The following EYS variants were observed in gnomAD, a reference collection of about 807,000 sequenced individuals.
EYS encodes the protein EGF-like photoreceptor maintenance factor.
In EYS, 250 loss-of-function variants were observed where a neutral mutation model predicts 282.1. That is an observed-to-expected ratio of 0.89 (90% CI 0.80 to 0.98). EYS has a LOEUF of 0.98. Ranked by LOEUF, EYS falls within the 50% of genes least tolerant of loss-of-function variation. The pLI, the probability that EYS is intolerant of heterozygous loss-of-function variation, is 0.00. For synonymous variants in EYS, 1,355 were observed against 1,282.9 expected (o/e 1.06, Z -1.20); for missense variants, 4,016 against 3,709.0 (o/e 1.08, Z -2.15).
At chr6:65,546,328 T>A (rs532605953) in intron 2 of EYS, among the ~76,000 whole-genome samples, 1 of 152,004 alleles carries the variant, frequency 6.6e-6, no homozygotes, top group Non-Finnish European at 1.5e-5. Flanking sequence ...ATAATTTTTT[T>A]TTTTTTAATT....
intron 29 of EYS, among the ~76,000 whole-genome samples, chr6:64,380,851 C>T (rs1438533384): frequency 6.6e-6 from 1 of 151,838 alleles, no homozygotes; most frequent in African/African-American, 2.4e-5. Context: ...CCCGTCTCTA[C>T]TAAAAATACA....
chr6:63,800,654 A>G (rs1015159513), intron 37 of EYS, among the ~76,000 whole-genome samples: 2 of 151,974 alleles, frequency 1.3e-5, no homozygotes, highest in Admixed American at 1.3e-4. Context: ...ATACAAAAAA[A>G]CCTAGCTGGG....
chr6:64,914,782 A>G lies in EYS; in HGVS notation c.2382-2039T>C, dbSNP rs78757520. 5.5e-3 allele frequency among the ~76,000 whole-genome samples: 840 copies of G among 152,284 alleles called. 8 individuals are homozygous for G. Among genetic ancestry groups the G allele is most frequent in the South Asian group, 0.031 (152 of 4,830 alleles). Reference sequence around the variant, plus strand: ...ATAAGTTTAAATCCAATGCATTGTAAGCCAGTGGATTTCACAGCTGTCTAA... The same window carrying G: ...ATAAGTTTAAATCCAATGCATTGTAGGCCAGTGGATTTCACAGCTGTCTAA... On this transcript the variant is annotated intron_variant, in intron 15 of 42. Transcript: ENST00000503581.
intron 8 of EYS, among the ~76,000 whole-genome samples, chr6:65,382,457 C>CTGTGTGTG (rs55949006): frequency 0.056 from 6,212 of 111,756 alleles, 184 homozygotes; most frequent in Non-Finnish European, 0.062. Context: ...CTCCTTTCCT[C>CTGTGTGTG]TGTGTGTGTG....
intron 26 of EYS, among the ~76,000 whole-genome samples, chr6:64,481,855 G>A (rs976817107): frequency 1.3e-5 from 2 of 151,566 alleles, no homozygotes; most frequent in Admixed American, 1.3e-4. Flanking sequence ...TAGACAAAGT[G>A]CTTAATATCT....
intron 19 of EYS, among the ~76,000 whole-genome samples, chr6:64,839,311 C>T (rs1292562056): frequency 6.6e-6 from 1 of 151,790 alleles, no homozygotes; most frequent in Non-Finnish European, 1.5e-5. Flanking sequence ...TAGATCCTAC[C>T]AGTTACATAA....
intron 5 of EYS, among the ~76,000 whole-genome samples, chr6:65,440,909 T>C (rs1768294671): frequency 6.8e-6 from 1 of 147,384 alleles, no homozygotes; most frequent in Admixed American, 6.9e-5. Flanking sequence ...ATAATATATA[T>C]ATAAACAGTA....
At chr6:64,788,704 A>G (rs1157845211) in intron 22 of EYS, among the ~76,000 whole-genome samples, 2 of 152,090 alleles carry the variant, frequency 1.3e-5, no homozygotes, top group Non-Finnish European at 2.9e-5. Context: ...ATTCAATGGC[A>G]GTTTCATTGC....
intron 26 of EYS, among the ~76,000 whole-genome samples, chr6:64,476,646 T>G (rs1406054160): frequency 6.6e-6 from 1 of 152,338 alleles, no homozygotes; most frequent in African/African-American, 2.4e-5. Flanking sequence ...ATGTTAGTCA[T>G]TTGGCTCTAT....
intron 26 of EYS, among the ~76,000 whole-genome samples, chr6:64,503,462 T>G (rs1777116214): frequency 6.6e-6 from 1 of 152,208 alleles, no homozygotes; most frequent in African/African-American, 2.4e-5. Flanking sequence ...TTTTTAAAAC[T>G]GCTTCCGTGG....
At chr6:64,274,508 A>G (rs1454237607) in intron 30 of EYS, among the ~76,000 whole-genome samples, 1 of 79,376 alleles carries the variant, frequency 1.3e-5, no homozygotes, top group Admixed American at 1.2e-4. Flanking sequence ...TTTTTTACAA[A>G]TCAGCTACAT....
chr6:63,840,142 G>A (rs1346139156), intron 36 of EYS, among the ~76,000 whole-genome samples: 2 of 150,492 alleles, frequency 1.3e-5, no homozygotes, highest in East Asian at 3.9e-4. Context: ...CTGCCTCCTG[G>A]GTTCATGCCA....
Position 63,817,682 on chromosome 6 carries a change from G to A in EYS, c.7229-11310C>T, listed in dbSNP as rs1173662884. 3.3e-5 allele frequency among the ~76,000 whole-genome samples: 5 copies of A among 152,320 alleles called. No individual in the cohort carries two copies. The East Asian group carries it at 9.6e-4, about 29-fold the overall frequency. ...CCTGGGGCTAAACTCCAGATTCCTG[G>A]AACTGGTCATAAGGCCACTTCTCAT... On this transcript the variant is annotated intron_variant, in intron 36 of 42. Transcript: ENST00000503581.
At chr6:64,582,814 G>A (rs371483537) in intron 26 of EYS, among the ~76,000 whole-genome samples, 25 of 152,238 alleles carry the variant, frequency 1.6e-4, no homozygotes, top group African/African-American at 5.8e-4. Context: ...ATCTGGAATA[G>A]TACAAACTAG....
At chr6:64,186,285 G>A (rs556188871) in intron 31 of EYS, among the ~76,000 whole-genome samples, 10 of 141,894 alleles carry the variant, frequency 7.0e-5, no homozygotes, top group South Asian at 2.2e-4. Context: ...ACACACACAC[G>A]GTTCTGATTT....
At chr6:65,060,471 C>T (rs572976746) in intron 12 of EYS, among the ~76,000 whole-genome samples, 2 of 152,044 alleles carry the variant, frequency 1.3e-5, no homozygotes, top group African/African-American at 4.8e-5. Context: ...ATGTAAAAAA[C>T]TCACAGCATA....
chr6:64,298,119 C>T (rs549660503), intron 30 of EYS, among the ~76,000 whole-genome samples: 2 of 151,906 alleles, frequency 1.3e-5, no homozygotes, highest in African/African-American at 4.8e-5. Context: ...AGACCATAGA[C>T]AGTAACTGTA....
chr6:64,272,295 T>C (rs111737122), intron 30 of EYS, among the ~76,000 whole-genome samples: 2 of 152,330 alleles, frequency 1.3e-5, no homozygotes, highest in African/African-American at 4.8e-5. Context: ...TTTTGTTATG[T>C]GTGAATTTGG....
chr6:63,727,764 T>G (rs2149633017), intron 41 of EYS, among the ~76,000 whole-genome samples: 1 of 78,240 alleles, frequency 1.3e-5, no homozygotes. Context: ...TAGCTGGGCA[T>G]GGTGGCGAAT....
Sources: allele counts gnomAD v4.1 joint callset (sites outside exome capture counted in the v4.1 genomes callset), GRCh38; gene constraint gnomAD v4.1.1; transcripts MANE v1.5; gene names NCBI Gene and HGNC (gene_info 2026-07-23, HGNC 2026-07-21).